AADAT: variants seen among roughly 807,000 people sequenced by gnomAD.
The protein encoded by AADAT is kynurenine/alpha-aminoadipate aminotransferase, mitochondrial.
A neutral mutation model predicts 56.2 loss-of-function variants in AADAT; 25 were observed. That is an observed-to-expected ratio of 0.44 (90% CI 0.32 to 0.62). The LOEUF (loss-of-function observed/expected upper bound fraction) is 0.62. Among genes scored for constraint, AADAT ranks in the 20% least tolerant of loss-of-function variants. AADAT has a pLI of 0.04. For synonymous variants in AADAT, 173 were observed against 164.7 expected, an observed-to-expected ratio of 1.05 and a Z score of -0.39; for missense variants, 387 against 510.5, an observed-to-expected ratio of 0.76 and a Z score of 2.33.
intron 9 of AADAT, 146 bp downstream of exon 9, chr4:170,067,181 C>G (rs972933166): frequency 1.8e-6 from 1 of 567,382 alleles, no homozygotes; most frequent in Non-Finnish European, 3.0e-6. Context: ...AATGAATAGA[C>G]TTTTGACTTA....
At chr4:170,078,247 T>C (rs1013949297) in intron 4 of AADAT, among the ~76,000 whole-genome samples, 5 of 152,184 alleles carry the variant, frequency 3.3e-5, no homozygotes, top group Admixed American at 3.3e-4. Flanking sequence ...TGATTTTGCA[T>C]AATCTAATTT....
chr4:170,088,754 G>A (rs991247), intron 1 of AADAT, among the ~76,000 whole-genome samples, 190 bp from the exon 2 acceptor site: 5,206 of 152,284 alleles, frequency 0.034, 306 homozygotes, highest in African/African-American at 0.12. Flanking sequence ...AGTTTTAACA[G>A]GTGGGGTCTC....
intron 11 of AADAT, 145 bp from the exon 12 acceptor site, chr4:170,062,138 A>G: frequency 2.1e-6 from 1 of 481,440 alleles, no homozygotes; most frequent in Non-Finnish European, 3.6e-6. Flanking sequence ...TAATTTATAT[A>G]AAAATTGCGT....
At chr4:170,093,312 C>G (rs1440149337), upstream of AADAT, among the ~76,000 whole-genome samples, 31 of 152,086 alleles carry the variant, frequency 2.0e-4, no homozygotes, top group Admixed American at 2.0e-3. Flanking sequence ...TGCCTGTAAT[C>G]TCAGCCACTC....
upstream of AADAT, among the ~76,000 whole-genome samples, chr4:170,090,727 A>G (rs1395506654): frequency 1.3e-5 from 2 of 152,002 alleles, no homozygotes; most frequent in East Asian, 1.9e-4. Context: ...CTTTTCTGCA[A>G]TTTCTCCTTC....
intron 3 of AADAT, among the ~76,000 whole-genome samples, chr4:170,081,564 A>G (rs1732315072): frequency 6.6e-6 from 1 of 152,224 alleles, no homozygotes; most frequent in Admixed American, 6.5e-5. Flanking sequence ...CAACAAGACA[A>G]AAGAAGAAAA....
Position 170,089,820 on chromosome 4 carries a change from G to T in AADAT, c.-130C>A. 1 of 925,738 alleles carries T rather than the reference G, an allele frequency of 1.1e-6. No homozygotes were observed. The highest frequency in any genetic ancestry group is 1.7e-6 in the Non-Finnish European group (1 of 602,518). The allele number at this position is 925,738 out of a possible 1,614,324, so 57.3% of individuals were successfully genotyped here. A position where few individuals can be genotyped will look rare whatever the true frequency, so the allele number is the denominator to read the frequency against. On this transcript the variant is annotated 5_prime_UTR_variant, in exon 1 of 13. Transcript: ENST00000337664. ...CCACCGCGAGATGTGTCCCCCCGCTGCGTCTGGCTTCCCGCGCGCGGTGCC... is the reference window on the plus strand; with the variant it reads ...CCACCGCGAGATGTGTCCCCCCGCTTCGTCTGGCTTCCCGCGCGCGGTGCC...
intron 3 of AADAT, among the ~76,000 whole-genome samples, chr4:170,080,238 A>AG (rs1732229169): frequency 6.6e-6 from 1 of 152,204 alleles, no homozygotes; most frequent in African/African-American, 2.4e-5. Flanking sequence ...AGGACTACAG[A>AG]GAAGTGAAAA....
chr4:170,093,275 C>G (rs150996471), upstream of AADAT, among the ~76,000 whole-genome samples: 186 of 152,144 alleles, frequency 1.2e-3, no homozygotes, highest in African/African-American at 4.4e-3. Context: ...CTAAAAAATA[C>G]AAAAATTAGC....
chr4:170,079,309 A>G (rs927219885), intron 3 of AADAT, among the ~76,000 whole-genome samples: 4 of 152,196 alleles, frequency 2.6e-5, no homozygotes, highest in Admixed American at 2.0e-4. Flanking sequence ...TGTAGAGAAA[A>G]GAGTGGTGTG....
intron 11 of AADAT, 139 bp downstream of exon 11, chr4:170,064,580 T>C (rs1731354995): frequency 1.5e-6 from 1 of 646,822 alleles, no homozygotes; most frequent in Non-Finnish European, 2.6e-6. Context: ...GATAATGCAA[T>C]AAAATATCTA....
At chr4:170,087,703 A>G (rs554084981) in intron 2 of AADAT, among the ~76,000 whole-genome samples, 2 of 152,164 alleles carry the variant, frequency 1.3e-5, no homozygotes, top group Non-Finnish European at 2.9e-5. Context: ...ACATTTCAAT[A>G]CACTTTTCAA....
intron 4 of AADAT, 48 bp downstream of exon 4, chr4:170,078,461 T>C: frequency 8.9e-7 from 1 of 1,128,444 alleles, no homozygotes; most frequent in Non-Finnish European, 1.3e-6. Context: ...ATAAGTTTTC[T>C]TCTTATTTAC....
chr4:170,087,326 C>G (rs1411815698), intron 2 of AADAT, 78 bp from the exon 3 acceptor site: 2 of 1,375,648 alleles, frequency 1.5e-6, no homozygotes, highest in African/African-American at 2.9e-5. Flanking sequence ...TAATAAATGA[C>G]AGCTTTATCA....
At chr4:170,066,538 G>A in intron 9 of AADAT, 60 bp from the exon 10 acceptor site, 4 of 1,191,580 alleles carry the variant, frequency 3.4e-6, no homozygotes, top group Non-Finnish European at 3.8e-6. Context: ...AAGCAAAACA[G>A]TCTCCAGAGT....
At chr4:170,064,356 T>C (rs1207455276) in intron 11 of AADAT, among the ~76,000 whole-genome samples, 4 of 152,198 alleles carry the variant, frequency 2.6e-5, no homozygotes, top group African/African-American at 9.7e-5. Flanking sequence ...GAGGGATTCT[T>C]ATTACCTCTG....
At chr4:170,088,701 G>C (rs1732685437) in intron 1 of AADAT, 137 bp from the exon 2 acceptor site, 2 of 874,956 alleles carry the variant, frequency 2.3e-6, no homozygotes, top group Non-Finnish European at 3.5e-6. Context: ...CTAAATGTTG[G>C]TGCTCCCCCA....
chr4:170,068,553 A>T, intron 8 of AADAT, 38 bp downstream of exon 8: 1 of 1,405,832 alleles, frequency 7.1e-7, no homozygotes. Context: ...TTCTAATCTG[A>T]TTACAAAAAA....
chr4:170,093,439 T>A (rs1025298997), upstream of AADAT, among the ~76,000 whole-genome samples: 2 of 152,072 alleles, frequency 1.3e-5, no homozygotes, highest in Non-Finnish European at 2.9e-5. Context: ...AGAGCGAGAC[T>A]CTGTCTCAAT....
Sources: gnomAD v4.1 joint callset for allele counts (sites outside exome capture counted in the v4.1 genomes callset) on GRCh38, gnomAD v4.1.1 for gene constraint, MANE v1.5 for transcripts, NCBI Gene and HGNC (gene_info 2026-07-23, HGNC 2026-07-21) for gene names.